Variants in DLC1 observed in about 807,000 individuals in gnomAD.
DLC1 encodes the protein DLC1 Rho GTPase activating protein.
DLC1 carries 54 observed loss-of-function variants against 140.3 expected under a neutral mutation model. The ratio of observed to expected loss-of-function variants is 0.38; its 90% CI spans 0.31 to 0.48. The LOEUF (loss-of-function observed/expected upper bound fraction) is 0.48, where lower values mean the gene tolerates loss of function less well. Ranked by LOEUF, DLC1 falls within the 20% of genes least tolerant of loss-of-function variation. DLC1 has a pLI of 0.96. For synonymous variants in DLC1, 986 were observed against 728.1 expected, an observed-to-expected ratio of 1.35 and a Z score of -5.70; for missense variants, 2,536 against 1,907.0, an observed-to-expected ratio of 1.33 and a Z score of -6.14.
rs144507451 is a variant in DLC1, at chr8:13,139,841, T to C, written c.1349-24184A>G. On this transcript the variant is annotated intron_variant, in intron 5 of 17. Transcript: ENST00000276297. ...AACATTGTGATCACTTTTTATTTCA[T>C]AAAAGCAACTAGGCTACTTTCCCAT... 2.3e-3 allele frequency among the ~76,000 whole-genome samples: 345 copies of C among 152,358 alleles called. 1 individual carries two copies. Among genetic ancestry groups the C allele is most frequent in the Non-Finnish European group, 3.9e-3 (265 of 68,024 alleles).
At chr8:13,322,820 C>G (rs73562574) in intron 4 of DLC1, among the ~76,000 whole-genome samples, 13,667 of 149,438 alleles carry the variant, frequency 0.091, 661 homozygotes, top group African/African-American at 0.1. Flanking sequence ...AACACTCCCC[C>G]TTTTAAAAAG....
At chr8:13,590,259 G>A (rs1238756531) in intron 1 of DLC1, among the ~76,000 whole-genome samples, 3 of 151,724 alleles carry the variant, frequency 2.0e-5, no homozygotes, top group African/African-American at 7.3e-5. Flanking sequence ...CCCACATTAT[G>A]AGTCCTCCCT....
intron 1 of DLC1, among the ~76,000 whole-genome samples, chr8:13,594,986 T>A (rs1805637093): frequency 6.6e-6 from 1 of 152,118 alleles, no homozygotes; most frequent in African/African-American, 2.4e-5. Context: ...TGAATTTCTA[T>A]ATATTTCTGT....
intron 2 of DLC1, among the ~76,000 whole-genome samples, chr8:13,457,934 C>T (rs943261952): frequency 3.3e-5 from 5 of 152,008 alleles, no homozygotes; most frequent in Admixed American, 2.6e-4. Flanking sequence ...ATCCAAATTC[C>T]TGTCATTTAT....
chr8:13,099,783 T>C lies in DLC1; in HGVS notation c.2554A>G (p.Arg852Gly). ...GGGCTGTCGCTACTGTTTTCCCTCC[T>C]GAGGCTGATGTGGCCAGGGCCGTGG... ...SFHGPGHISL[R>G]RENSSDSPKE... The change falls in exon 9 of 18, where the codon AGG becomes GGG. Residue 852 changes from arginine to glycine, a missense_variant. Transcript: ENST00000276297. 6.2e-7 allele frequency: 1 copy of C among 1,614,156 alleles called. No individual in the cohort carries two copies. Among genetic ancestry groups the C allele is most frequent in the South Asian group, 1.1e-5 (1 of 91,076 alleles).
chr8:13,159,454 A>C (rs1047801068), intron 5 of DLC1, among the ~76,000 whole-genome samples: 1 of 152,166 alleles, frequency 6.6e-6, no homozygotes, highest in Non-Finnish European at 1.5e-5. Context: ...GGTTTTTCCA[A>C]GGGTGGAGAG....
intron 4 of DLC1, among the ~76,000 whole-genome samples, chr8:13,324,668 G>A (rs1342003990): frequency 4.0e-5 from 6 of 151,808 alleles, no homozygotes; most frequent in African/African-American, 1.5e-4. Flanking sequence ...CATAAGCTCA[G>A]CTTCCAAATT....
chr8:13,250,865 A>C (rs73543912), intron 5 of DLC1, among the ~76,000 whole-genome samples: 35,577 of 152,050 alleles, frequency 0.23, 4,316 homozygotes, highest in South Asian at 0.34. Context: ...AGGATATTTT[A>C]ATAATACAAA....
At chr8:13,498,606 C>T (rs1488076995) in intron 2 of DLC1, among the ~76,000 whole-genome samples, 1 of 152,074 alleles carries the variant, frequency 6.6e-6, no homozygotes, top group Non-Finnish European at 1.5e-5. Flanking sequence ...GTGATTTATA[C>T]CACCTTTTTT....
chr8:13,403,913 C>T (rs1837412167), intron 2 of DLC1, among the ~76,000 whole-genome samples: 1 of 149,854 alleles, frequency 6.7e-6, no homozygotes, highest in African/African-American at 2.5e-5. Context: ...CTCGTCTCGG[C>T]TTCCCAAAGT....
At chr8:13,319,466 T>G (rs1586129912) in intron 4 of DLC1, among the ~76,000 whole-genome samples, 1 of 81,212 alleles carries the variant, frequency 1.2e-5, no homozygotes, top group Non-Finnish European at 2.3e-5. Context: ...AGGGGCCTGC[T>G]GGCGGGGCGG....
intron 7 of DLC1, among the ~76,000 whole-genome samples, chr8:13,104,963 G>A (rs753847791): frequency 1.6e-4 from 24 of 152,298 alleles, no homozygotes; most frequent in Non-Finnish European, 3.4e-4. Flanking sequence ...GTTCTCAAAT[G>A]CTTTCAAGAT....
chr8:13,133,389 C>T (rs1409114561), intron 5 of DLC1: 6 of 885,818 alleles, frequency 6.8e-6, no homozygotes, highest in African/African-American at 1.9e-5. Flanking sequence ...CTGTCTGGGT[C>T]GCAGGCCTTA....
In DLC1 at chr8:13,092,725, G is replaced by T. The variant is rs142586910; in HGVS notation, c.3627C>A (p.Ser1209Arg). 1 of 1,613,996 alleles carries T rather than the reference G, an allele frequency of 6.2e-7. No homozygotes were observed. Among genetic ancestry groups the T allele is most frequent in the Admixed American group, 1.7e-5 (1 of 60,000 alleles). Residue 1209 changes from serine to arginine, a missense_variant, in exon 13 of 18, where the codon AGC becomes AGA. By Grantham distance (110) the Ser-to-Arg change is moderately radical. Transcript: ENST00000276297. ...EVLQTLLYFLSDVTAAVKENQ... is the reference protein window; with the variant it reads ...EVLQTLLYFLRDVTAAVKENQ... ...TTTCTTTTACGGCTGCTGTGACATCGCTCAGGAAATAAAGCAGGGTCTGCA... is the reference window on the plus strand; with the variant it reads ...TTTCTTTTACGGCTGCTGTGACATCTCTCAGGAAATAAAGCAGGGTCTGCA...
At chr8:13,200,128 C>T (rs537244721) in intron 5 of DLC1, among the ~76,000 whole-genome samples, 49 of 152,152 alleles carry the variant, frequency 3.2e-4, no homozygotes, top group African/African-American at 1.1e-3. Flanking sequence ...CTGCAACCTC[C>T]GCCTCCTGGG....
chr8:13,443,624 C>G (rs1324439751), intron 2 of DLC1, among the ~76,000 whole-genome samples: 3 of 144,856 alleles, frequency 2.1e-5, no homozygotes, highest in Admixed American at 1.4e-4. Context: ...CGCCACTGCA[C>G]TCCAGCCTAG....
At chr8:13,324,218 A>G (rs1350171211) in intron 4 of DLC1, among the ~76,000 whole-genome samples, 1 of 152,180 alleles carries the variant, frequency 6.6e-6, no homozygotes, top group Non-Finnish European at 1.5e-5. Context: ...AGCAAACTCA[A>G]GGTTTTTAGT....
chr8:13,227,316 A>G (rs1828839966), intron 5 of DLC1, among the ~76,000 whole-genome samples: 1 of 152,132 alleles, frequency 6.6e-6, no homozygotes, highest in Non-Finnish European at 1.5e-5. Flanking sequence ...CCAGGTGCTC[A>G]TATGTTTTAT....
intron 5 of DLC1, among the ~76,000 whole-genome samples, chr8:13,206,529 A>G (rs1481657877): frequency 6.6e-6 from 1 of 152,172 alleles, no homozygotes; most frequent in Non-Finnish European, 1.5e-5. Context: ...TAGTCTCAAC[A>G]GTAAATGGCT....
Sources: allele counts gnomAD v4.1 joint callset (sites outside exome capture counted in the v4.1 genomes callset), GRCh38; gene constraint gnomAD v4.1.1; transcripts MANE v1.5; gene names NCBI Gene and HGNC (gene_info 2026-07-23, HGNC 2026-07-21).